The following KCNMA1 variants were observed in gnomAD, a reference collection of about 807,000 sequenced individuals.
KCNMA1 encodes Calcium-activated potassium channel subunit alpha-1.
A neutral mutation model predicts 140.0 loss-of-function variants in KCNMA1; 29 were observed. The observed-to-expected ratio is 0.21, with a 90% confidence interval of 0.15 to 0.28. The LOEUF (loss-of-function observed/expected upper bound fraction) is 0.28. Among genes scored for constraint, KCNMA1 ranks in the 10% least tolerant of loss-of-function variants. KCNMA1 has a pLI of 1.00. For synonymous variants in KCNMA1, 612 were observed against 611.9 expected (o/e 1.00, Z 0.00); for missense variants, 880 against 1,602.2 (o/e 0.55, Z 7.70).
intron 2 of KCNMA1, among the ~76,000 whole-genome samples, chr10:77,288,278 C>A (rs1435703923): frequency 6.6e-6 from 1 of 152,216 alleles, no homozygotes; most frequent in African/African-American, 2.4e-5. Context: ...TTATTCAGAT[C>A]ACCAGCTTTC....
chr10:77,019,925 C>T (rs910279242), intron 16 of KCNMA1: 19 of 152,156 alleles, frequency 1.2e-4, no homozygotes, highest in South Asian at 2.1e-4. Context: ...AATAGATTAG[C>T]GGACCAAGTT....
At chr10:76,953,161 CATT>C (rs2066926469) in intron 21 of KCNMA1, among the ~76,000 whole-genome samples, 1 of 152,256 alleles carries the variant, frequency 6.6e-6, no homozygotes, top group Admixed American at 6.5e-5. Context: ...GACTGTAGTT[CATT>C]ATTGTCATCA....
chr10:77,637,032 G>A (rs894944547), intron 1 of KCNMA1: 6 of 1,408,550 alleles, frequency 4.3e-6, no homozygotes, highest in Middle Eastern at 2.6e-4. Flanking sequence ...GGACAGGATT[G>A]AGCGTCCGCG....
intron 23 of KCNMA1, among the ~76,000 whole-genome samples, chr10:76,934,535 T>C (rs1264715466): frequency 2.6e-5 from 4 of 152,204 alleles, no homozygotes; most frequent in Non-Finnish European, 5.9e-5. Flanking sequence ...TATCCTTAAG[T>C]ATGTGTGTCA....
intron 2 of KCNMA1, among the ~76,000 whole-genome samples, chr10:77,349,228 G>A (rs2092578799): frequency 6.6e-6 from 1 of 152,122 alleles, no homozygotes; most frequent in Non-Finnish European, 1.5e-5. Flanking sequence ...TTATAAAAGA[G>A]CCTCCAGAGA....
intron 1 of KCNMA1, among the ~76,000 whole-genome samples, chr10:77,617,030 T>C (rs1424304192): frequency 6.6e-6 from 1 of 152,182 alleles, no homozygotes; most frequent in Non-Finnish European, 1.5e-5. Context: ...ATGAGAGACG[T>C]TGCTCATTGA....
chr10:77,370,169 T>C (rs1695378255), intron 2 of KCNMA1, among the ~76,000 whole-genome samples: 2 of 152,206 alleles, frequency 1.3e-5, no homozygotes. Flanking sequence ...ACCAAATTCT[T>C]CTGCTTTGGA....
At chr10:77,097,315 T>C (rs992131867) in intron 9 of KCNMA1, among the ~76,000 whole-genome samples, 1 of 152,194 alleles carries the variant, frequency 6.6e-6, no homozygotes, top group African/African-American at 2.4e-5. Flanking sequence ...TCAAAGAGAC[T>C]GACTTCAGTA....
intron 14 of KCNMA1, among the ~76,000 whole-genome samples, chr10:77,056,830 C>T (rs192668078): frequency 9.1e-4 from 138 of 152,212 alleles, no homozygotes; most frequent in African/African-American, 3.1e-3. Flanking sequence ...AGGGAAGAGT[C>T]AATGAACTTG....
At position 77,137,894 on chromosome 10, in the gene KCNMA1, G is replaced by A. The variant is rs181219484; in HGVS notation, c.809-16846C>T. Among the ~76,000 whole-genome samples, 20 of 151,970 alleles carry A rather than the reference G, an allele frequency of 1.3e-4. No homozygotes were observed. In the East Asian group the frequency reaches 3.5e-3, roughly 26 times the overall value. On this transcript the variant is annotated intron_variant, in intron 5 of 27. Transcript: ENST00000286628. ...CCTCCTGGGCTCAAGTGATCCTCCC[G>A]CCTCAGCCCCCCAAGTAGCCAGCCA...
intron 20 of KCNMA1, among the ~76,000 whole-genome samples, chr10:76,961,815 A>G (rs2071584439): frequency 1.3e-5 from 2 of 152,232 alleles, no homozygotes; most frequent in Non-Finnish European, 2.9e-5. Context: ...ATTTTAATGA[A>G]GGTATGTACA....
chr10:77,616,805 CAAA>C (rs112798861), intron 1 of KCNMA1, among the ~76,000 whole-genome samples: 15 of 121,084 alleles, frequency 1.2e-4, no homozygotes, highest in African/African-American at 4.6e-4. Context: ...AGCTCCATCT[CAAA>C]AAAAAAAAAA....
At chr10:77,186,019 T>C (rs779385754) in intron 3 of KCNMA1, among the ~76,000 whole-genome samples, 2 of 152,070 alleles carry the variant, frequency 1.3e-5, no homozygotes, top group South Asian at 2.1e-4. Flanking sequence ...AAATGGAAGA[T>C]GAAGGATTTC....
At chr10:76,913,949 T>A (rs1435595348) in intron 24 of KCNMA1, 35 of 790,682 alleles carry the variant, frequency 4.4e-5, no homozygotes, top group Non-Finnish European at 2.1e-6. Context: ...TGCCATGGGG[T>A]AGCCTTTCTG....
chr10:77,215,407 C>CTTTT (rs5786271), intron 3 of KCNMA1, among the ~76,000 whole-genome samples: 1,921 of 132,844 alleles, frequency 0.014, 32 homozygotes, highest in Non-Finnish European at 0.023. Context: ...TTTATTTTTG[C>CTTTT]TTTTTTTTTT....
chr10:77,433,821 C>G (rs1173219312), intron 1 of KCNMA1: 1 of 152,194 alleles, frequency 6.6e-6, no homozygotes, highest in Admixed American at 6.5e-5. Context: ...AGCCTCAACA[C>G]CAGCATCCTT....
chr10:77,594,524 C>T (rs1567759251), intron 1 of KCNMA1, among the ~76,000 whole-genome samples: 1 of 152,198 alleles, frequency 6.6e-6, no homozygotes, highest in African/African-American at 2.4e-5. Context: ...GCCCACGACA[C>T]TTATCTCCCT....
In KCNMA1 at chr10:77,282,654, G is replaced by A. The variant is rs75887123; in HGVS notation, c.541-31398C>T. Among the ~76,000 whole-genome samples, 626 of 152,118 alleles carry A rather than the reference G, an allele frequency of 4.1e-3. 1 individual carries two copies. The highest frequency in any genetic ancestry group is 7.4e-3 in the Non-Finnish European group (501 of 68,000). On this transcript the variant is annotated intron_variant, in intron 2 of 27. Transcript: ENST00000286628. ...ATTGTGCATCCTTCCTGCCCTTCTA[G>A]GGGTCCTGACTATCTCCCCAGCCCC...
At chr10:77,072,079 A>G (rs1022129288) in intron 14 of KCNMA1, among the ~76,000 whole-genome samples, 3 of 152,174 alleles carry the variant, frequency 2.0e-5, no homozygotes, top group African/African-American at 7.2e-5. Context: ...TTGATTGCAG[A>G]GCTTCCAGCC....
Sources: gnomAD v4.1 joint callset for allele counts (sites outside exome capture counted in the v4.1 genomes callset) on GRCh38, gnomAD v4.1.1 for gene constraint, MANE v1.5 for transcripts, NCBI Gene and HGNC (gene_info 2026-07-23, HGNC 2026-07-21) for gene names.